The following DPP10 variants were observed in gnomAD, a reference collection of about 807,000 sequenced individuals.
The protein encoded by DPP10 is dipeptidyl peptidase like 10.
Under a neutral mutation model 120.9 loss-of-function variants are expected in DPP10, and 33 were observed. That is an observed-to-expected ratio of 0.27 (90% CI 0.21 to 0.37). The LOEUF (loss-of-function observed/expected upper bound fraction) is 0.37, where lower values mean the gene tolerates loss of function less well. Among genes scored for constraint, DPP10 ranks in the 10% least tolerant of loss-of-function variants. The pLI, the probability that DPP10 is intolerant of heterozygous loss-of-function variation, is 1.00. For missense variants in DPP10, 816 were observed against 942.8 expected (o/e 0.87, Z 1.76); for synonymous variants, 337 against 326.1 (o/e 1.03, Z -0.36).
intron 1 of DPP10, among the ~76,000 whole-genome samples, chr2:115,219,031 C>T (rs1220179441): frequency 6.6e-6 from 1 of 152,068 alleles, no homozygotes; most frequent in East Asian, 1.9e-4. Context: ...AGATAGCATG[C>T]ATTATCTTAT....
At chr2:114,498,336 C>T (rs1355988506) in intron 1 of DPP10, among the ~76,000 whole-genome samples, 4 of 152,084 alleles carry the variant, frequency 2.6e-5, no homozygotes, top group East Asian at 1.9e-4. Context: ...CCCTCCCCTG[C>T]CAGGCTTTGG....
At chr2:115,168,175 T>C (rs1441888707) in intron 1 of DPP10, among the ~76,000 whole-genome samples, 1 of 152,142 alleles carries the variant, frequency 6.6e-6, no homozygotes, top group Non-Finnish European at 1.5e-5. Context: ...AAATTTTTTC[T>C]ACACCTTTTT....
chr2:114,664,383 C>T (rs940420822), intron 1 of DPP10, among the ~76,000 whole-genome samples: 4 of 151,918 alleles, frequency 2.6e-5, no homozygotes, highest in Admixed American at 6.6e-5. Context: ...CATCCCAACA[C>T]TTTGGGAGGC....
chr2:115,727,046 G>A (rs962587158), intron 7 of DPP10, among the ~76,000 whole-genome samples: 1 of 152,118 alleles, frequency 6.6e-6, no homozygotes, highest in Non-Finnish European at 1.5e-5. Flanking sequence ...TGAAGACATT[G>A]TAAAGCGAAT....
intron 1 of DPP10, among the ~76,000 whole-genome samples, chr2:114,990,689 T>G (rs1700705676): frequency 6.6e-6 from 1 of 152,220 alleles, no homozygotes; most frequent in Admixed American, 6.5e-5. Flanking sequence ...GAAGGAACCT[T>G]GACAGCTTTC....
chr2:115,597,331 G>A (rs143596672), intron 5 of DPP10, among the ~76,000 whole-genome samples: 254 of 152,044 alleles, frequency 1.7e-3, no homozygotes, highest in African/African-American at 5.8e-3. Flanking sequence ...AAAGAGATCA[G>A]GTAAGGCAAT....
At chr2:115,264,678 TAAC>T (rs922679160) in intron 1 of DPP10, among the ~76,000 whole-genome samples, 11 of 152,222 alleles carry the variant, frequency 7.2e-5, no homozygotes, top group African/African-American at 2.7e-4. Context: ...ATATTTCACA[TAAC>T]AAATTCAAAA....
chr2:114,959,708 C>A (rs1698470933), intron 1 of DPP10, among the ~76,000 whole-genome samples: 1 of 152,196 alleles, frequency 6.6e-6, no homozygotes, highest in African/African-American at 2.4e-5. Context: ...ATTCCATGTT[C>A]TCCACATTTT....
chr2:115,046,562 T>G (rs910482769), intron 1 of DPP10, among the ~76,000 whole-genome samples: 1 of 152,202 alleles, frequency 6.6e-6, no homozygotes, highest in Non-Finnish European at 1.5e-5. Flanking sequence ...GATAACTGTT[T>G]GTAATTTCCA....
At chr2:115,617,557 A>G (rs1363499989) in intron 5 of DPP10, among the ~76,000 whole-genome samples, 5 of 151,344 alleles carry the variant, frequency 3.3e-5, no homozygotes. Flanking sequence ...TATCTTTTCT[A>G]TGTTTAGATA....
At chr2:114,544,594 T>A (rs1687219479) in intron 1 of DPP10, among the ~76,000 whole-genome samples, 2 of 152,100 alleles carry the variant, frequency 1.3e-5, no homozygotes, top group Non-Finnish European at 2.9e-5. Context: ...AGACCACTAA[T>A]TACAGAAAAT....
chr2:115,224,700 T>C (rs2057348288), intron 1 of DPP10, among the ~76,000 whole-genome samples: 1 of 152,168 alleles, frequency 6.6e-6, no homozygotes, highest in Non-Finnish European at 1.5e-5. Flanking sequence ...AATAATCATG[T>C]GAGATAATAT....
chr2:115,264,847 AGT>A (rs2059395818), intron 1 of DPP10, among the ~76,000 whole-genome samples: 1 of 152,194 alleles, frequency 6.6e-6, no homozygotes, highest in African/African-American at 2.4e-5. Flanking sequence ...GATTGTGAAA[AGT>A]GGGTACCAAG....
chr2:115,320,518 G>A (rs978731539), intron 2 of DPP10, among the ~76,000 whole-genome samples: 2 of 150,044 alleles, frequency 1.3e-5, no homozygotes, highest in Non-Finnish European at 3.0e-5. Context: ...TGGTTATGTT[G>A]GTCATCATAA....
At chr2:115,057,155 C>T (rs1204119939) in intron 1 of DPP10, among the ~76,000 whole-genome samples, 1 of 152,154 alleles carries the variant, frequency 6.6e-6, no homozygotes, top group Non-Finnish European at 1.5e-5. Context: ...CTGCTCAGCC[C>T]TTTCTTAACT....
chr2:115,409,541 G>C (rs1035748623), intron 3 of DPP10, among the ~76,000 whole-genome samples: 2 of 152,250 alleles, frequency 1.3e-5, no homozygotes, highest in Admixed American at 6.5e-5. Flanking sequence ...TGTGAATCAG[G>C]AACGCTTTTA....
intron 1 of DPP10, among the ~76,000 whole-genome samples, chr2:115,306,493 C>T (rs1420600210): frequency 6.6e-6 from 1 of 152,064 alleles, no homozygotes; most frequent in Non-Finnish European, 1.5e-5. Flanking sequence ...TTCTTCTAGA[C>T]TGACACATTT....
chr2:115,451,845 G>A (rs2073131991), intron 3 of DPP10, among the ~76,000 whole-genome samples: 1 of 151,826 alleles, frequency 6.6e-6, no homozygotes, highest in Non-Finnish European at 1.5e-5. Context: ...AAGGAACAAA[G>A]TATCGTTTGT....
intron 1 of DPP10, among the ~76,000 whole-genome samples, chr2:114,731,611 T>A (rs957087596): frequency 4.6e-5 from 7 of 152,182 alleles, no homozygotes; most frequent in Non-Finnish European, 1.0e-4. Flanking sequence ...GTGTGACCTA[T>A]GTCCAATTTA....
Sources: gnomAD v4.1 joint callset for allele counts (sites outside exome capture counted in the v4.1 genomes callset) on GRCh38, gnomAD v4.1.1 for gene constraint, MANE v1.5 for transcripts, NCBI Gene and HGNC (gene_info 2026-07-23, HGNC 2026-07-21) for gene names.